The following PTPRD variants were observed in gnomAD, a reference collection of about 807,000 sequenced individuals.
PTPRD encodes the protein protein tyrosine phosphatase receptor type D, also known as receptor-type tyrosine-protein phosphatase delta.
Under a neutral mutation model 214.5 loss-of-function variants are expected in PTPRD, and 34 were observed. That is an observed-to-expected ratio of 0.16 (90% confidence interval 0.12 to 0.21). The LOEUF (loss-of-function observed/expected upper bound fraction) is 0.21. Among genes scored for constraint, PTPRD ranks in the 10% least tolerant of loss-of-function variants. PTPRD has a pLI of 1.00. For missense variants in PTPRD, 2,545 were observed against 2,398.7 expected, an observed-to-expected ratio of 1.06 and a Z score of -1.27; for synonymous variants, 1,128 against 845.7, an observed-to-expected ratio of 1.33 and a Z score of -5.79.
At chr9:10,228,827 AG>A (rs1594803190) in intron 3 of PTPRD, among the ~76,000 whole-genome samples, 1 of 151,208 alleles carries the variant, frequency 6.6e-6, no homozygotes, top group Non-Finnish European at 1.5e-5. Flanking sequence ...TAGATATAAA[AG>A]TTTATCTCTG....
intron 11 of PTPRD, among the ~76,000 whole-genome samples, chr9:8,757,473 G>A (rs921322940): frequency 2.6e-5 from 4 of 151,910 alleles, no homozygotes; most frequent in Non-Finnish European, 4.4e-5. Flanking sequence ...CAGTTTGGGT[G>A]TAAGAAGGAA....
chr9:10,476,836 A>T (rs1196384614), intron 2 of PTPRD, among the ~76,000 whole-genome samples: 1 of 152,146 alleles, frequency 6.6e-6, no homozygotes, highest in Non-Finnish European at 1.5e-5. Flanking sequence ...ATAACACCAC[A>T]CATCTACAAC....
At chr9:9,330,662 G>T (rs1325365177) in intron 9 of PTPRD, among the ~76,000 whole-genome samples, 1 of 151,802 alleles carries the variant, frequency 6.6e-6, no homozygotes, top group African/African-American at 2.4e-5. Context: ...TTTTGACAAA[G>T]AGTTAATTTT....
At chr9:8,618,868 G>T (rs1392398224) in intron 14 of PTPRD, among the ~76,000 whole-genome samples, 2 of 104,736 alleles carry the variant, frequency 1.9e-5, no homozygotes, top group South Asian at 2.8e-4. Context: ...AGCTAATTTT[G>T]TGTGTGTGTG....
intron 2 of PTPRD, among the ~76,000 whole-genome samples, chr9:10,395,101 T>G (rs2098142455): frequency 6.6e-6 from 1 of 151,048 alleles, no homozygotes; most frequent in Admixed American, 6.6e-5. Flanking sequence ...GCTTTCTTTT[T>G]ATTATTATTA....
chr9:8,797,373 A>C (rs562668237), intron 11 of PTPRD, among the ~76,000 whole-genome samples: 2 of 152,266 alleles, frequency 1.3e-5, no homozygotes, highest in Admixed American at 1.3e-4. Flanking sequence ...TCCACCATCA[A>C]TTCATTTTCC....
intron 44 of PTPRD, among the ~76,000 whole-genome samples, chr9:8,323,952 C>T (rs1830949847): frequency 6.6e-6 from 1 of 152,108 alleles, no homozygotes; most frequent in Admixed American, 6.6e-5. Flanking sequence ...TGGCAAACTT[C>T]ATTATTATTT....
chr9:10,154,667 T>C (rs77870099), intron 3 of PTPRD, among the ~76,000 whole-genome samples: 2,832 of 152,260 alleles, frequency 0.019, 54 homozygotes, highest in Non-Finnish European at 0.03. Flanking sequence ...GTCTTCTGCA[T>C]ATAGCTAGCT....
chr9:9,508,801 T>C (rs993605975), intron 8 of PTPRD, among the ~76,000 whole-genome samples: 8 of 151,668 alleles, frequency 5.3e-5, no homozygotes, highest in African/African-American at 1.9e-4. Flanking sequence ...TCTCCTATTC[T>C]TCAGGACGCA....
chr9:10,425,765 T>A (rs1356627751), intron 2 of PTPRD, among the ~76,000 whole-genome samples: 6 of 151,966 alleles, frequency 3.9e-5, no homozygotes, highest in Non-Finnish European at 7.4e-5. Context: ...ACCAGCAGTC[T>A]AATCAAGAAG....
At chr9:9,211,211 T>C (rs2099948365) in intron 9 of PTPRD, among the ~76,000 whole-genome samples, 1 of 152,234 alleles carries the variant, frequency 6.6e-6, no homozygotes, top group Non-Finnish European at 1.5e-5. Context: ...TATTGCCTGG[T>C]ATTTAATCAT....
chr9:9,502,468 T>A (rs2096450758), intron 8 of PTPRD, among the ~76,000 whole-genome samples: 1 of 151,932 alleles, frequency 6.6e-6, no homozygotes, highest in East Asian at 1.9e-4. Context: ...TGAATAACAT[T>A]TTACCATACG....
chr9:10,295,206 T>C (rs2095640616), intron 3 of PTPRD, among the ~76,000 whole-genome samples: 1 of 152,050 alleles, frequency 6.6e-6, no homozygotes. Context: ...TCCTTTTTCC[T>C]AAAAACAAAG....
chr9:9,954,268 C>T (rs914637788), intron 4 of PTPRD, among the ~76,000 whole-genome samples: 3 of 114,682 alleles, frequency 2.6e-5, no homozygotes, highest in Non-Finnish European at 4.9e-5. Context: ...ATTCCAGCCT[C>T]GGTGACAGAT....
Position 8,872,590 on chromosome 9 carries a change from G to C in PTPRD, c.-103-138644C>G, listed in dbSNP as rs1836096. 3.8e-3 allele frequency among the ~76,000 whole-genome samples: 583 copies of C among 152,346 alleles called. 13 individuals are homozygous for C. Among genetic ancestry groups the C allele is most frequent in the Admixed American group, 0.028 (429 of 15,302 alleles). On this transcript the variant is annotated intron_variant, in intron 11 of 45. Transcript: ENST00000381196. ...ATTTTGGGCCAGGTATCTGCACAAA[G>C]CGTGATAGAACTAGGATAAAATAGC...
intron 11 of PTPRD, among the ~76,000 whole-genome samples, chr9:8,956,997 A>G (rs2099134736): frequency 6.6e-6 from 1 of 151,842 alleles, no homozygotes; most frequent in Non-Finnish European, 1.5e-5. Flanking sequence ...CGTTAATGGC[A>G]GTAAGGATAA....
At chr9:10,230,921 G>A (rs1405112148) in intron 3 of PTPRD, among the ~76,000 whole-genome samples, 1 of 151,922 alleles carries the variant, frequency 6.6e-6, no homozygotes, top group East Asian at 1.9e-4. Context: ...ATAACTCTAG[G>A]CTATCACGTA....
At chr9:8,405,546 T>C (rs2092887447) in intron 35 of PTPRD, among the ~76,000 whole-genome samples, 1 of 152,122 alleles carries the variant, frequency 6.6e-6, no homozygotes, top group Non-Finnish European at 1.5e-5. Flanking sequence ...GGTTTGATCA[T>C]AAAACTCTAG....
chr9:9,128,384 A>G (rs1178871318), intron 10 of PTPRD, among the ~76,000 whole-genome samples: 2 of 152,224 alleles, frequency 1.3e-5, no homozygotes, highest in African/African-American at 4.8e-5. Flanking sequence ...AAGTATTAGT[A>G]AACAGATGAC....
Sources: allele counts gnomAD v4.1 joint callset (sites outside exome capture counted in the v4.1 genomes callset), GRCh38; gene constraint gnomAD v4.1.1; transcripts MANE v1.5; gene names NCBI Gene and HGNC (gene_info 2026-07-23, HGNC 2026-07-21).